G6PD: variants seen among roughly 807,000 people sequenced by gnomAD.
G6PD encodes glucose-6-phosphate dehydrogenase.
In G6PD, 2 loss-of-function variants were observed where a neutral mutation model predicts 38.2. That is an observed-to-expected ratio of 0.05 (90% CI 0.02 to 0.16). The LOEUF is 0.16. Among genes scored for constraint, G6PD ranks in the 10% least tolerant of loss-of-function variants. The pLI, the probability that G6PD is intolerant of heterozygous loss-of-function variation, is 1.00. For missense variants in G6PD, 310 were observed against 471.6 expected (o/e 0.66, Z 3.17); for synonymous variants, 188 against 196.0 (o/e 0.96, Z 0.34).
At chrX:154,540,405 A>G (rs939741016) in intron 2 of G6PD, among the ~76,000 whole-genome samples, 1 of 109,885 alleles carries the variant, frequency 9.1e-6, no homozygotes, top group African/African-American at 3.3e-5. Context: ...GCAGGTGGAG[A>G]TTGCAGTGAG....
intron 2 of G6PD, among the ~76,000 whole-genome samples, chrX:154,537,006 C>T (rs1243718374): frequency 8.9e-6 from 1 of 111,943 alleles, no homozygotes; most frequent in Non-Finnish European, 1.9e-5. Flanking sequence ...GGCATGGTTG[C>T]TTTTTTAAAA....
rs1284157412 is a variant in G6PD at position 154,545,899 on chromosome X, C to T, written c.120+137G>A. 5 of 755,269 alleles carry T rather than the reference C, an allele frequency of 6.6e-6. No homozygotes were observed. In the African/African-American group the frequency reaches 8.5e-5, roughly 13 times the overall value. 62.2% of individuals were successfully genotyped at this position (755,269 alleles called of 1,213,427 possible). A position where few individuals can be genotyped will look rare whatever the true frequency, so the allele number is the denominator to read the frequency against. On this transcript the variant is annotated intron_variant, in intron 2 of 12. Coordinates refer to ENST00000393562, the MANE Select transcript of G6PD (RefSeq NM_001360016.2). The stretch of plus-strand genomic sequence containing the variant: ...GCACACCAGGTAGAGCCGGGATGAT[C>T]CTGGCGCACTAGCAGGAGCGGGAGG...
intron 2 of G6PD, among the ~76,000 whole-genome samples, chrX:154,538,878 A>G (rs1292759028): frequency 9.2e-6 from 1 of 108,439 alleles, no homozygotes; most frequent in African/African-American, 3.4e-5. Context: ...GTGAGCCGAG[A>G]TCACACCACT....
At position 154,543,135 on chromosome X, in the gene G6PD, C is replaced by G. The variant is rs1251663149; in HGVS notation, c.120+2901G>C. Among the ~76,000 whole-genome samples, 3 of 111,775 alleles carry G rather than the reference C, an allele frequency of 2.7e-5. No homozygotes were observed. The Admixed American group carries it at 2.8e-4, about 11-fold the overall frequency. On this transcript the variant is annotated intron_variant, in intron 2 of 12. Coordinates refer to ENST00000393562, the MANE Select transcript of G6PD (RefSeq NM_001360016.2). ...TGAGCACGCCACCTCCCATCTCCCC[C>G]ACAGCAGGAAGAGGAAAAAACAAAC... is the stretch of plus-strand genomic sequence containing the variant.
rs782036244 is a variant in G6PD at position 154,534,257 on chromosome X, C to T, written c.644+81G>A. On this transcript the variant is annotated intron_variant, in intron 6 of 12. Transcript: ENST00000393562. ...CCCTTGTCTGAGTTCTGGAGGAATT[C>T]GTCCTCGGGGAGGCAGTGGGCCAGG... 1.2e-4 allele frequency: 150 copies of T among 1,201,665 alleles called. 1 individual carries two copies. In the South Asian group the frequency reaches 2.4e-3, roughly 20 times the overall value.
intron 1 of G6PD, among the ~76,000 whole-genome samples, chrX:154,546,576 T>C (rs2070723913): frequency 9.1e-6 from 1 of 110,211 alleles, no homozygotes; most frequent in Admixed American, 9.5e-5. Context: ...GCCCTCCCCT[T>C]GCCAAGCTGG....
At chrX:154,532,507 T>C (rs368350190) in intron 10 of G6PD, 45 bp from the exon 11 acceptor site, 10 of 1,204,016 alleles carry the variant, frequency 8.3e-6, no homozygotes, top group Admixed American at 4.4e-5. Flanking sequence ...CCTGCCACCA[T>C]GTGGAGTCCC....
At chrX:154,536,814 G>C (rs782771778) in intron 2 of G6PD, among the ~76,000 whole-genome samples, 1 of 111,506 alleles carries the variant, frequency 9.0e-6, no homozygotes, top group East Asian at 2.8e-4. Context: ...TGGGTGACAA[G>C]AGTGAGACTT....
intron 2 of G6PD, among the ~76,000 whole-genome samples, chrX:154,537,027 C>T (rs782444189): frequency 4.1e-4 from 46 of 112,218 alleles, no homozygotes; most frequent in African/African-American, 1.3e-3. Context: ...GGGCATAGGC[C>T]GGGCACAGTG....
At position 154,534,472 on chromosome X, in the gene G6PD, C is replaced by T. The variant is rs2070382797; in HGVS notation, c.510G>A (p.Glu170=). 8.3e-7 allele frequency: 1 copy of T among 1,211,984 alleles called. No homozygotes were observed. Among genetic ancestry groups the T allele is most frequent in the Non-Finnish European group, 1.1e-6 (1 of 895,544 alleles). The change falls in exon 6 of 13, where the codon GAG becomes GAA. Residue 170 remains glutamate (E), a synonymous_variant. Coordinates refer to ENST00000393562, the MANE Select transcript of G6PD (RefSeq NM_001360016.2). ...SQIGWNRIIV[E]KPFGRDLQSS... ...TCTGCAGGTCCCTCCCGAAGGGCTT[C>T]TCCACGATGATGCGGTTCCAGCCTC...
intron 2 of G6PD, among the ~76,000 whole-genome samples, chrX:154,539,236 T>C (rs1469743205): frequency 8.9e-6 from 1 of 111,768 alleles, no homozygotes; most frequent in African/African-American, 3.3e-5. Flanking sequence ...CCTTGGTTCA[T>C]AGCGGCCCCA....
At position 154,532,346 on chromosome X, in the gene G6PD, A is replaced by G. The variant is rs1557229559; in HGVS notation, c.1364+40T>C. 5.0e-6 allele frequency: 6 copies of G among 1,208,237 alleles called. No individual in the cohort carries two copies. The South Asian group carries it at 1.1e-4, about 21-fold the overall frequency. Reference sequence around the variant, plus strand: ...AGGGAGGGAGGGCAAAGGCCACCCCATAGCCCACAGGTATGCAGGGGCCGG... The same window carrying G: ...AGGGAGGGAGGGCAAAGGCCACCCCGTAGCCCACAGGTATGCAGGGGCCGG... On this transcript the variant is annotated intron_variant, in intron 11 of 12. Transcript: ENST00000393562.
Position 154,536,164 on chromosome X carries a change from C to T in G6PD, c.135G>A (p.Lys45=), listed in dbSNP as rs1394720790. The change falls in exon 3 of 13, where the codon AAG becomes AAA. Residue 45 remains lysine, a synonymous_variant. Transcript: ENST00000393562. ...IIMGASGDLA[K]KKIYPTIWWL... ...ACCAGATGGTGGGGTAGATCTTCTT[C>T]TTGGCCAGGTCACCCTGTGGCAGAG... 8.3e-7 allele frequency: 1 copy of T among 1,209,282 alleles called. No individual in the cohort carries two copies. The highest frequency in any genetic ancestry group is 2.2e-5 in the Admixed American group (1 of 45,736).
intron 1 of G6PD, 86 bp from the exon 2 acceptor site, chrX:154,546,249 C>G: frequency 8.9e-7 from 1 of 1,124,794 alleles, no homozygotes; most frequent in Non-Finnish European, 1.2e-6. Context: ...CCTCTGGGGT[C>G]TCACACCAGG....
intron 2 of G6PD, among the ~76,000 whole-genome samples, chrX:154,545,541 G>T (rs900242882): frequency 1.3e-4 from 15 of 111,809 alleles, no homozygotes; most frequent in African/African-American, 4.6e-4. Flanking sequence ...ACAGGGTTCA[G>T]AAACGTCCTG....
At chrX:154,533,544 C>A in intron 8 of G6PD, 32 bp downstream of exon 8, 1 of 1,205,572 alleles carries the variant, frequency 8.3e-7, no homozygotes, top group Non-Finnish European at 1.1e-6. Flanking sequence ...TGCGACAGGG[C>A]ATGCTCCTGG....
chrX:154,533,173 T>C (rs1557229941), intron 8 of G6PD, 45 bp from the exon 9 acceptor site: 19 of 1,175,806 alleles, frequency 1.6e-5, no homozygotes, highest in Non-Finnish European at 2.0e-5. Flanking sequence ...GGGTGTTGAG[T>C]TGGGGTGCAG....
intron 2 of G6PD, among the ~76,000 whole-genome samples, chrX:154,543,869 ATTT>A (rs1306269568): frequency 4.8e-5 from 4 of 83,646 alleles, no homozygotes; most frequent in African/African-American, 4.4e-5. Context: ...AATTTTTGTT[ATTT>A]TTTTTTTTTT....
intron 2 of G6PD, among the ~76,000 whole-genome samples, chrX:154,543,680 G>A (rs782323505): frequency 3.5e-4 from 39 of 110,619 alleles, no homozygotes; most frequent in African/African-American, 1.3e-3. Flanking sequence ...GCTGATGCAG[G>A]TATGGCTCTT....
Sources: gnomAD v4.1 joint callset for allele counts (sites outside exome capture counted in the v4.1 genomes callset) on GRCh38, gnomAD v4.1.1 for gene constraint, MANE v1.5 for transcripts, NCBI Gene and HGNC (gene_info 2026-07-23, HGNC 2026-07-21) for gene names.